The following FBN2 variants were observed in gnomAD, a reference collection of about 807,000 sequenced individuals.
FBN2 encodes fibrillin-2.
In FBN2, 105 loss-of-function variants were observed where a neutral mutation model predicts 355.6. The observed-to-expected ratio is 0.30, with a 90% CI of 0.25 to 0.35. The LOEUF is 0.35. FBN2 is among the 10% of genes least tolerant of loss of function. FBN2 has a pLI of 1.00. For missense variants in FBN2, 3,280 were observed against 3,758.7 expected (o/e 0.87, Z 3.33); for synonymous variants, 1,350 against 1,301.2 (o/e 1.04, Z -0.81).
At chr5:128,306,002 C>T (rs1749864655) in intron 42 of FBN2, 54 bp from the exon 43 acceptor site, 1 of 1,543,882 alleles carries the variant, frequency 6.5e-7, no homozygotes. Context: ...ATATACTTAC[C>T]ATATAACTTT....
In FBN2 at chr5:128,357,370, T is replaced by C. The variant is rs1751527199; in HGVS notation, c.2580A>G (p.Pro860=). Residue 860 remains proline (P), a synonymous_variant, in exon 20 of 65, where the codon CCA becomes CCG. Coordinates refer to ENST00000262464, the MANE Select transcript of FBN2 (RefSeq NM_001999.4). ...CEDINECESN[P]CVNGACRNNL... is the part of the protein sequence containing the mutation. ...TGTTTCTGCAGGCCCCATTGACACA[T>C]GGGTTGCTTTCACATTCATTTATAT... 1.9e-6 allele frequency: 3 copies of C among 1,613,780 alleles called. No individual in the cohort carries two copies. Among genetic ancestry groups the C allele is most frequent in the Admixed American group, 1.7e-5 (1 of 59,994 alleles).
intron 7 of FBN2, among the ~76,000 whole-genome samples, chr5:128,429,219 G>A (rs1303725077): frequency 2.6e-5 from 4 of 152,010 alleles, no homozygotes; most frequent in Middle Eastern, 3.2e-3. Context: ...CCCCAATACC[G>A]TTCTCTTCAA....
chr5:128,312,515 A>G (rs1750081897), intron 37 of FBN2, 119 bp downstream of exon 37: 1 of 1,054,700 alleles, frequency 9.5e-7, no homozygotes, highest in Non-Finnish European at 1.4e-6. Flanking sequence ...AAGTAGTTCA[A>G]ATTCAGTTTT....
chr5:128,417,230 T>G (rs1753229275), intron 7 of FBN2, among the ~76,000 whole-genome samples: 1 of 152,212 alleles, frequency 6.6e-6, no homozygotes, highest in South Asian at 2.1e-4. Context: ...CTGAATTTAT[T>G]TATCAGATCT....
At chr5:128,519,498 G>T in intron 4 of FBN2, 130 bp from the exon 5 acceptor site, 2 of 727,438 alleles carry the variant, frequency 2.7e-6, no homozygotes, top group Non-Finnish European at 5.0e-6. Context: ...ACTGCAACTT[G>T]TATAAATTAC....
chr5:128,386,635 G>A (rs1324626716), intron 11 of FBN2, among the ~76,000 whole-genome samples: 1 of 151,870 alleles, frequency 6.6e-6, no homozygotes, highest in Non-Finnish European at 1.5e-5. Context: ...TAATAATGTC[G>A]ATTCTTCCTA....
At chr5:128,514,024 ATG>A (rs568979356) in intron 5 of FBN2, among the ~76,000 whole-genome samples, 43 of 86,680 alleles carry the variant, frequency 5.0e-4, no homozygotes, top group East Asian at 3.5e-3. Flanking sequence ...AAGTGCAGAA[ATG>A]TGTGTGTGTG....
chr5:128,299,504 G>A (rs1487146025), intron 48 of FBN2, among the ~76,000 whole-genome samples: 1 of 151,506 alleles, frequency 6.6e-6, no homozygotes, highest in Admixed American at 6.6e-5. Flanking sequence ...TCCGAGCCAT[G>A]TGCGGGATAT....
chr5:128,457,936 T>C (rs1162473327), intron 6 of FBN2, among the ~76,000 whole-genome samples: 1 of 151,824 alleles, frequency 6.6e-6, no homozygotes, highest in Non-Finnish European at 1.5e-5. Flanking sequence ...AGCATTATGA[T>C]AACCGGATCA....
intron 16 of FBN2, among the ~76,000 whole-genome samples, chr5:128,368,946 A>G (rs1338156342): frequency 6.6e-6 from 1 of 151,898 alleles, no homozygotes; most frequent in Non-Finnish European, 1.5e-5. Context: ...AGCCACCACA[A>G]TCAGCCAGCA....
At chr5:128,270,528 TA>T (rs1475660183) in intron 62 of FBN2, among the ~76,000 whole-genome samples, 1 of 151,932 alleles carries the variant, frequency 6.6e-6, no homozygotes, top group Non-Finnish European at 1.5e-5. Context: ...GAGTCCGTCC[TA>T]AAAAAATAAA....
At chr5:128,384,027 A>G (rs1254850633) in intron 11 of FBN2, among the ~76,000 whole-genome samples, 1 of 152,158 alleles carries the variant, frequency 6.6e-6, no homozygotes, top group Admixed American at 6.5e-5. Flanking sequence ...GAAACTGGAA[A>G]CAAAATAAGT....
At chr5:128,386,098 A>G in intron 11 of FBN2, among the ~76,000 whole-genome samples, 1 of 152,010 alleles carries the variant, frequency 6.6e-6, no homozygotes, top group Non-Finnish European at 1.5e-5. Context: ...TCTTTGCCAG[A>G]GCCTATGTCC....
intron 34 of FBN2, 123 bp from the exon 35 acceptor site, chr5:128,319,124 T>C (rs926093133): frequency 1.3e-5 from 10 of 756,854 alleles, no homozygotes; most frequent in Non-Finnish European, 2.2e-5. Flanking sequence ...GGCTTTTTTT[T>C]TCTCTTTTTT....
intron 15 of FBN2, among the ~76,000 whole-genome samples, chr5:128,372,879 G>A (rs916388028): frequency 2.0e-5 from 3 of 152,070 alleles, no homozygotes; most frequent in Non-Finnish European, 4.4e-5. Context: ...CGCCCAACAT[G>A]GAATCCCAAA....
intron 11 of FBN2, among the ~76,000 whole-genome samples, chr5:128,385,894 T>C (rs1200425173): frequency 6.6e-6 from 1 of 151,948 alleles, no homozygotes; most frequent in Non-Finnish European, 1.5e-5. Flanking sequence ...ATTTTTTTTT[T>C]GCTTGTTAAG....
At chr5:128,466,968 A>G (rs889693297) in intron 5 of FBN2, among the ~76,000 whole-genome samples, 2 of 152,168 alleles carry the variant, frequency 1.3e-5, no homozygotes, top group African/African-American at 4.8e-5. Context: ...ATACGTGGGG[A>G]AAAGTCTGTT....
intron 7 of FBN2, among the ~76,000 whole-genome samples, chr5:128,430,725 T>G (rs1241751478): frequency 6.6e-6 from 1 of 151,884 alleles, no homozygotes; most frequent in Non-Finnish European, 1.5e-5. Flanking sequence ...AGGCCTATAA[T>G]CCCAGCTACT....
Position 128,338,020 on chromosome 5 carries a change from G to A in FBN2, c.3575C>T (p.Ser1192Leu), listed in dbSNP as rs1750892131. Reference protein sequence around the residue: ...QCDCPLGHELSPSREDCVDIN... With the variant: ...QCDCPLGHELLPSREDCVDIN... The stretch of plus-strand genomic sequence containing the variant: ...ACCCACACAGTCCTCACGGGATGGT[G>A]ACAGCTCGTGTCCCAGTGGGCAGTC... The change falls in exon 27 of 65, where the codon TCA becomes TTA. Residue 1192 changes from serine to leucine, a missense_variant. By Grantham distance (145) the Ser-to-Leu change is moderately radical. This residue lies in a region of FBN2 where 2,284 missense variants were observed against 2,749.5 expected (regional missense o/e 0.83). Coordinates refer to ENST00000262464, the MANE Select transcript of FBN2 (RefSeq NM_001999.4). 10 of 1,614,102 alleles carry A rather than the reference G, an allele frequency of 6.2e-6. No individual in the cohort carries two copies. The highest frequency in any genetic ancestry group is 7.6e-6 in the Non-Finnish European group (9 of 1,179,968).
Sources: gnomAD v4.1 joint callset for allele counts (sites outside exome capture counted in the v4.1 genomes callset) on GRCh38, gnomAD v4.1.1 for gene constraint, gnomAD v4.1.1 regional missense constraint, MANE v1.5 for transcripts, NCBI Gene and HGNC (gene_info 2026-07-23, HGNC 2026-07-21) for gene names.